The following ADD3 variants were observed in gnomAD, a reference collection of about 807,000 sequenced individuals.
ADD3 encodes gamma-adducin.
ADD3 carries 25 observed loss-of-function variants against 80.2 expected under a neutral mutation model. The observed-to-expected ratio is 0.31, with a 90% CI of 0.23 to 0.44. The LOEUF is 0.44. Among genes scored for constraint, ADD3 ranks in the 20% least tolerant of loss-of-function variants. ADD3 has a pLI of 1.00. For synonymous variants in ADD3, 284 were observed against 289.6 expected, an observed-to-expected ratio of 0.98 and a Z score of 0.20; for missense variants, 829 against 847.5, an observed-to-expected ratio of 0.98 and a Z score of 0.27.
Position 110,124,036 on chromosome 10 carries a change from C to T in ADD3, c.1163C>T (p.Ala388Val), listed in dbSNP as rs770573327. Residue 388 changes from alanine to valine, a missense_variant, in exon 10 of 15, where the codon GCT becomes GTT. Ala to Val is a moderately conservative substitution (Grantham distance 64). Transcript: ENST00000356080. ...CCTTAGGGGTATAGAACAGGCTATG[C>T]TTACAGGCATCCTCTCATTCGAGAG... Reference protein sequence around the residue: ...LDNLGYRTGYAYRHPLIREKP... With the variant: ...LDNLGYRTGYVYRHPLIREKP... 8 of 1,614,008 alleles carry T rather than the reference C, an allele frequency of 5.0e-6. No individual in the cohort carries two copies. In the African/African-American group the frequency reaches 8.0e-5, roughly 16 times the overall value.
In ADD3 at chr10:110,126,490, A is replaced by C. The variant is rs201199585; in HGVS notation, c.1595A>C (p.Asp532Ala). ...CAGTTGCTTGCTGGAATTGTTGTGG[A>C]TAAGCCACCTTCTGTAAGTTTATGA... ...QSQLLAGIVV[D>A]KPPSTMQFED... Residue 532 changes from aspartate (D) to alanine (A), a missense_variant, in exon 12 of 15, where the codon GAT becomes GCT. Physicochemically the swap from Asp to Ala is moderately radical, Grantham distance 126. Transcript: ENST00000356080. The C allele has an allele frequency of 2.5e-6, 4 of 1,612,500 alleles. No individual in the cohort carries two copies. The East Asian group carries it at 8.9e-5, about 36-fold the overall frequency.
At chr10:110,095,609 T>C (rs1440105158) in intron 1 of ADD3, among the ~76,000 whole-genome samples, 1 of 152,216 alleles carries the variant, frequency 6.6e-6, no homozygotes. Flanking sequence ...ATACTATACT[T>C]TGTGTTTGTC....
At chr10:109,999,246 A>G (rs1356490260) in intron 1 of ADD3, among the ~76,000 whole-genome samples, 1 of 152,096 alleles carries the variant, frequency 6.6e-6, no homozygotes, top group East Asian at 1.9e-4. Context: ...CTCTACCAAC[A>G]CACTTTATAT....
chr10:110,023,845 C>G (rs1853970830), intron 1 of ADD3, among the ~76,000 whole-genome samples: 1 of 152,136 alleles, frequency 6.6e-6, no homozygotes, highest in Admixed American at 6.5e-5. Flanking sequence ...AGGTGCTTCC[C>G]CTATGCTGTG....
chr10:110,053,490 T>C (rs1857763698), intron 1 of ADD3, among the ~76,000 whole-genome samples: 2 of 152,118 alleles, frequency 1.3e-5, no homozygotes, highest in Admixed American at 6.5e-5. Context: ...GTACATATGC[T>C]GTAATACCCA....
chr10:110,059,191 GC>G (rs1355404551), intron 1 of ADD3, among the ~76,000 whole-genome samples: 2 of 78,136 alleles, frequency 2.6e-5, no homozygotes, highest in Non-Finnish European at 9.2e-5. Flanking sequence ...ACCCATACAG[GC>G]CGGGTACAGT....
intron 1 of ADD3, among the ~76,000 whole-genome samples, chr10:110,064,386 G>A (rs1843647628): frequency 6.6e-6 from 1 of 152,138 alleles, no homozygotes; most frequent in Admixed American, 6.5e-5. Context: ...ATCCTTGCCA[G>A]TACTTGATAT....
intron 1 of ADD3, among the ~76,000 whole-genome samples, chr10:110,063,740 TA>T (rs1843512882): frequency 4.1e-4 from 9 of 21,998 alleles, no homozygotes; most frequent in African/African-American, 1.2e-3. Flanking sequence ...ATATTCATTA[TA>T]TATATATATA....
At chr10:109,998,419 G>A (rs12569425) in intron 1 of ADD3, among the ~76,000 whole-genome samples, 39,858 of 152,026 alleles carry the variant, frequency 0.26, 7,565 homozygotes, top group African/African-American at 0.52. Flanking sequence ...CCTACAACAA[G>A]ACCCCATTTC....
intron 3 of ADD3, among the ~76,000 whole-genome samples, chr10:110,114,185 C>T (rs1360900953): frequency 6.6e-6 from 1 of 152,098 alleles, no homozygotes; most frequent in Non-Finnish European, 1.5e-5. Flanking sequence ...CAACCAGTTG[C>T]CTGAAATACT....
intron 1 of ADD3, among the ~76,000 whole-genome samples, chr10:110,031,420 G>A (rs1032115632): frequency 3.3e-5 from 5 of 152,244 alleles, no homozygotes; most frequent in Non-Finnish European, 5.9e-5. Flanking sequence ...CGAAGAAACA[G>A]ATTCAGATAC....
At chr10:110,116,176 G>T in intron 3 of ADD3, 83 bp from the exon 4 acceptor site, 1 of 1,390,708 alleles carries the variant, frequency 7.2e-7, no homozygotes, top group South Asian at 1.3e-5. Flanking sequence ...GATACTCCCA[G>T]ACGCAGGCTA....
At chr10:110,066,882 A>G (rs1844023427) in intron 1 of ADD3, among the ~76,000 whole-genome samples, 1 of 152,154 alleles carries the variant, frequency 6.6e-6, no homozygotes, top group Admixed American at 6.5e-5. Context: ...ATATAATGAC[A>G]TTATGTTGAG....
At chr10:110,043,928 G>A (rs1217505464) in intron 1 of ADD3, among the ~76,000 whole-genome samples, 1 of 152,202 alleles carries the variant, frequency 6.6e-6, no homozygotes, top group African/African-American at 2.4e-5. Flanking sequence ...TGTTGAACAG[G>A]CCGGGTGCGG....
chr10:110,073,300 T>G (rs6584969), intron 1 of ADD3, among the ~76,000 whole-genome samples: 18,836 of 151,610 alleles, frequency 0.12, 3,742 homozygotes, highest in African/African-American at 0.42. Flanking sequence ...CCACCACCAC[T>G]CCCAGCTAAT....
chr10:110,108,238 A>G (rs1299809489), intron 2 of ADD3, among the ~76,000 whole-genome samples: 3 of 152,098 alleles, frequency 2.0e-5, no homozygotes, highest in Non-Finnish European at 4.4e-5. Flanking sequence ...ATATATATAT[A>G]TATTTTTGCT....
At chr10:110,045,370 A>G (rs1856805885) in intron 1 of ADD3, among the ~76,000 whole-genome samples, 1 of 152,228 alleles carries the variant, frequency 6.6e-6, no homozygotes, top group African/African-American at 2.4e-5. Flanking sequence ...AAAAAGAGAA[A>G]GTACCTATGG....
intron 5 of ADD3, among the ~76,000 whole-genome samples, chr10:110,118,348 A>C (rs1260036283): frequency 6.6e-6 from 1 of 152,070 alleles, no homozygotes. Context: ...GTTTTGTTGC[A>C]CCTGTTTTAT....
At chr10:110,131,198 G>T (rs775881391) in intron 13 of ADD3, among the ~76,000 whole-genome samples, 1 of 152,142 alleles carries the variant, frequency 6.6e-6, no homozygotes, top group Non-Finnish European at 1.5e-5. Context: ...GAGTTTTCTG[G>T]CTTTGGAACC....
Sources: gnomAD v4.1 joint callset for allele counts (sites outside exome capture counted in the v4.1 genomes callset) on GRCh38, gnomAD v4.1.1 for gene constraint, MANE v1.5 for transcripts, NCBI Gene and HGNC (gene_info 2026-07-23, HGNC 2026-07-21) for gene names.